The following DNAAF9 variants were observed in gnomAD, a reference collection of about 807,000 sequenced individuals.
DNAAF9 encodes the protein dynein axonemal assembly factor 9.
DNAAF9 carries 90 observed loss-of-function variants against 167.0 expected under a neutral mutation model. The observed-to-expected ratio is 0.54, with a 90% confidence interval of 0.45 to 0.64. The LOEUF is 0.64. DNAAF9 is among the 30% of genes least tolerant of loss of function. DNAAF9 has a pLI of 0.00. For synonymous variants in DNAAF9, 491 were observed against 508.8 expected (o/e 0.96, Z 0.47); for missense variants, 1,315 against 1,442.2 (o/e 0.91, Z 1.43).
intron 1 of DNAAF9, among the ~76,000 whole-genome samples, chr20:3,393,203 T>C (rs2083850280): frequency 1.3e-5 from 2 of 152,108 alleles, no homozygotes; most frequent in South Asian, 4.1e-4. Flanking sequence ...TTTGAGACAG[T>C]GTCTCGCTCT....
chr20:3,272,955 C>T (rs925734462), intron 29 of DNAAF9, among the ~76,000 whole-genome samples: 8 of 152,014 alleles, frequency 5.3e-5, no homozygotes, highest in Admixed American at 4.6e-4. Context: ...CCCGGCCTCC[C>T]GAGTAGCTGG....
At chr20:3,366,197 C>A (rs1163723284) in intron 6 of DNAAF9, among the ~76,000 whole-genome samples, 1 of 152,104 alleles carries the variant, frequency 6.6e-6, no homozygotes, top group Non-Finnish European at 1.5e-5. Flanking sequence ...TATTGCCTAA[C>A]AAAATGTATT....
chr20:3,300,452 T>TA, intron 21 of DNAAF9, among the ~76,000 whole-genome samples: 1 of 151,904 alleles, frequency 6.6e-6, no homozygotes, highest in South Asian at 2.1e-4. Flanking sequence ...GTAAATTGAA[T>TA]TGTTTTATTT....
intron 29 of DNAAF9, among the ~76,000 whole-genome samples, chr20:3,278,563 A>G (rs1482827928): frequency 1.3e-5 from 2 of 152,178 alleles, no homozygotes; most frequent in African/African-American, 4.8e-5. Flanking sequence ...TACTAAAAAT[A>G]CAAAAATTAG....
chr20:3,347,908 T>C (rs1376812678), intron 8 of DNAAF9, among the ~76,000 whole-genome samples: 1 of 150,116 alleles, frequency 6.7e-6, no homozygotes, highest in Non-Finnish European at 1.5e-5. Flanking sequence ...GGCGACAGAG[T>C]GAGACTCCAT....
At chr20:3,283,981 C>A (rs991679704) in intron 27 of DNAAF9, among the ~76,000 whole-genome samples, 23 of 152,100 alleles carry the variant, frequency 1.5e-4, no homozygotes, top group Non-Finnish European at 8.8e-5. Flanking sequence ...AGGCCCCTGT[C>A]TCCTTGATGA....
intron 20 of DNAAF9, among the ~76,000 whole-genome samples, chr20:3,310,687 GA>G (rs111936667): frequency 7.0e-4 from 93 of 132,292 alleles, no homozygotes; most frequent in East Asian, 1.1e-3. Flanking sequence ...TTAGTCTCAA[GA>G]AAAAAAAAAA....
At chr20:3,283,475 C>CA (rs1314662648) in intron 27 of DNAAF9, among the ~76,000 whole-genome samples, 16 of 152,348 alleles carry the variant, frequency 1.1e-4, no homozygotes, top group Middle Eastern at 3.4e-3. Context: ...GCCCTCTGCT[C>CA]ACAGCCTTCT....
chr20:3,332,923 GTGTGTGTGTGTGT>G (rs1321142427), intron 10 of DNAAF9, among the ~76,000 whole-genome samples: 1 of 151,662 alleles, frequency 6.6e-6, no homozygotes. Flanking sequence ...GTGTGTGTGT[GTGTGTGTGTGTGT>G]GGTTTAAACC....
At chr20:3,301,407 C>G (rs1365621602) in intron 21 of DNAAF9, among the ~76,000 whole-genome samples, 1 of 152,130 alleles carries the variant, frequency 6.6e-6, no homozygotes, top group Admixed American at 6.5e-5. Flanking sequence ...AGGCTGGTCT[C>G]GAACTCCTGA....
In DNAAF9 at chr20:3,315,291, G is replaced by C. The variant is rs2069483100; in HGVS notation, c.1591-171C>G. 6.6e-6 allele frequency among the ~76,000 whole-genome samples: 1 copy of C among 152,336 alleles called. No homozygotes were observed. Among genetic ancestry groups the C allele is most frequent in the Non-Finnish European group, 1.5e-5 (1 of 68,022 alleles). ...TTTGGCATTGTCTGGCTCTTTGGCA[G>C]TTACTGGCATCCTTGATTTGTGCTG... On this transcript the variant is annotated intron_variant, in intron 19 of 36. Transcript: ENST00000252032. The surrounding 1 kb of genome is among the most constrained non-coding windows in gnomAD (Gnocchi z 4.1).
chr20:3,340,454 C>CCCAA, intron 10 of DNAAF9, 50 bp downstream of exon 10: 1 of 1,053,078 alleles, frequency 9.5e-7, no homozygotes, highest in Non-Finnish European at 1.3e-6. Flanking sequence ...ACCCCACCCC[C>CCCAA]ACAACTTGAT....
chr20:3,264,622 T>G, intron 30 of DNAAF9, 98 bp from the exon 31 acceptor site: 1 of 711,350 alleles, frequency 1.4e-6, no homozygotes, highest in Non-Finnish European at 2.5e-6. Context: ...CAGGCTGGAG[T>G]GCAGTGGTGC....
At chr20:3,264,602 G>C in intron 30 of DNAAF9, 78 bp from the exon 31 acceptor site, 1 of 784,360 alleles carries the variant, frequency 1.3e-6, no homozygotes, top group Non-Finnish European at 2.2e-6. Flanking sequence ...ACGGAGTCTC[G>C]CTCTGTCGCC....
intron 27 of DNAAF9, among the ~76,000 whole-genome samples, chr20:3,283,502 C>T (rs2068797090): frequency 1.3e-5 from 2 of 152,232 alleles, no homozygotes; most frequent in Non-Finnish European, 2.9e-5. Context: ...CAGGGATTCT[C>T]CCCCTGCCTG....
At chr20:3,328,170 C>T (rs567341101) in intron 12 of DNAAF9, among the ~76,000 whole-genome samples, 1 of 127,400 alleles carries the variant, frequency 7.8e-6, no homozygotes, top group East Asian at 2.2e-4. Context: ...AATTAAAAAG[C>T]CTGCATGGCT....
chr20:3,351,230 T>G (rs924726168), intron 7 of DNAAF9, among the ~76,000 whole-genome samples: 1 of 152,192 alleles, frequency 6.6e-6, no homozygotes, highest in South Asian at 2.1e-4. Context: ...CAGTGGCTCA[T>G]GCCTGTAATC....
chr20:3,349,205 A>AAAAAAAAAC lies in DNAAF9; in HGVS notation c.691-583_691-582insGTTTTTTTT, dbSNP rs1568620363. Among the ~76,000 whole-genome samples, 431 of 59,182 alleles carry AAAAAAAAAC rather than the reference A, an allele frequency of 7.3e-3. 6 individuals carry two copies. The highest frequency in any genetic ancestry group is 0.031 in the African/African-American group (415 of 13,570). The allele number at this position is 59,182 out of a possible 152,430, so 38.8% of individuals were successfully genotyped here. A position where few individuals can be genotyped will look rare whatever the true frequency, so the allele number is the denominator to read the frequency against. ...CCTCGTCTCTACCAAAAAAAAAAAC[A>AAAAAAAAAC]AAAAAAAAAAAAACACCATGAAAAA... On this transcript the variant is annotated intron_variant, in intron 7 of 36. Coordinates refer to ENST00000252032, the MANE Select transcript of DNAAF9 (RefSeq NM_001009984.3).
chr20:3,283,425 G>T (rs771222030), intron 27 of DNAAF9, among the ~76,000 whole-genome samples: 1 of 152,246 alleles, frequency 6.6e-6, no homozygotes, highest in South Asian at 2.1e-4. Flanking sequence ...AGAGAACGGG[G>T]TTTACTAGGT....
Sources: allele counts gnomAD v4.1 joint callset (sites outside exome capture counted in the v4.1 genomes callset), GRCh38; gene constraint gnomAD v4.1.1; non-coding constraint Gnocchi (gnomAD v3.1); transcripts MANE v1.5; gene names NCBI Gene and HGNC (gene_info 2026-07-23, HGNC 2026-07-21).